VIT: variants seen among roughly 807,000 people sequenced by gnomAD.
The protein encoded by VIT is vitrin.
In VIT, 99 loss-of-function variants were observed where a neutral mutation model predicts 78.0. That is an observed-to-expected ratio of 1.27 (90% CI 1.08 to 1.50). The LOEUF (loss-of-function observed/expected upper bound fraction) is 1.50, where lower values mean the gene tolerates loss of function less well. Among genes scored for constraint, VIT ranks in the 40% most tolerant of loss-of-function variants. The pLI, the probability that VIT is intolerant of heterozygous loss-of-function variation, is 0.00. For missense variants in VIT, 1,126 were observed against 875.3 expected (o/e 1.29, Z -3.61); for synonymous variants, 374 against 334.3 (o/e 1.12, Z -1.29).
chr2:36,772,404 C>CA (rs1476722061), intron 7 of VIT, among the ~76,000 whole-genome samples: 3 of 151,960 alleles, frequency 2.0e-5, no homozygotes, highest in Non-Finnish European at 4.4e-5. Flanking sequence ...GGCATGGTGG[C>CA]ACATGCTTGT....
chr2:36,729,191 T>C (rs1256491346), intron 2 of VIT, among the ~76,000 whole-genome samples: 1 of 152,188 alleles, frequency 6.6e-6, no homozygotes, highest in Non-Finnish European at 1.5e-5. Flanking sequence ...AGGTTTGTAG[T>C]AGACCATCTA....
chr2:36,785,132 T>G (rs906192669), intron 11 of VIT, among the ~76,000 whole-genome samples: 1 of 152,212 alleles, frequency 6.6e-6, no homozygotes, highest in African/African-American at 2.4e-5. Context: ...TGGCCCTTAC[T>G]CTAATTAACA....
chr2:36,719,457 A>G (rs1428439456), intron 2 of VIT, among the ~76,000 whole-genome samples: 1 of 152,238 alleles, frequency 6.6e-6, no homozygotes, highest in East Asian at 1.9e-4. Flanking sequence ...AAAACCTGTT[A>G]GAACTAACAA....
At chr2:36,736,054 T>G (rs527455515) in intron 3 of VIT, among the ~76,000 whole-genome samples, 55 of 152,174 alleles carry the variant, frequency 3.6e-4, no homozygotes, top group Non-Finnish European at 7.4e-4. Context: ...TATCACTTTA[T>G]TTTTAGAGGT....
At chr2:36,795,381 T>C (rs12986582) in intron 12 of VIT, among the ~76,000 whole-genome samples, 3 of 50,578 alleles carry the variant, frequency 5.9e-5, no homozygotes, top group Non-Finnish European at 1.3e-4. Flanking sequence ...TTTATTTTAT[T>C]TTATATTTTA....
intron 3 of VIT, among the ~76,000 whole-genome samples, chr2:36,730,407 C>T: frequency 6.6e-6 from 1 of 152,200 alleles, no homozygotes; most frequent in East Asian, 1.9e-4. Flanking sequence ...TCTCCAGGGA[C>T]CCAGACTTCT....
intron 4 of VIT, among the ~76,000 whole-genome samples, chr2:36,753,081 T>C (rs1214376932): frequency 1.3e-5 from 2 of 152,152 alleles, no homozygotes; most frequent in Non-Finnish European, 2.9e-5. Flanking sequence ...TTGGAAACCA[T>C]TATCCTCAGC....
chr2:36,724,998 C>A (rs931993349), intron 2 of VIT, among the ~76,000 whole-genome samples: 2 of 152,156 alleles, frequency 1.3e-5, no homozygotes, highest in African/African-American at 4.8e-5. Flanking sequence ...AAAACATGGT[C>A]TTTGCACAGT....
intron 6 of VIT, among the ~76,000 whole-genome samples, chr2:36,762,164 C>T (rs374384290): frequency 3.3e-5 from 5 of 152,172 alleles, no homozygotes; most frequent in African/African-American, 9.7e-5. Flanking sequence ...CCATTCACCC[C>T]CAGCAAGCAC....
chr2:36,756,930 T>G (rs1668801361), intron 5 of VIT, among the ~76,000 whole-genome samples: 1 of 152,204 alleles, frequency 6.6e-6, no homozygotes, highest in Non-Finnish European at 1.5e-5. Context: ...TTTTGGGCTT[T>G]TTAAGTGAAA....
chr2:36,708,110 T>TCCCCC (rs141908586), intron 1 of VIT, among the ~76,000 whole-genome samples: 165 of 137,712 alleles, frequency 1.2e-3, no homozygotes, highest in Non-Finnish European at 1.9e-3. Context: ...GTAAAGGACC[T>TCCCCC]CCCCCCCCCG....
At chr2:36,773,946 A>T in intron 8 of VIT, 99 bp downstream of exon 8, 2 of 1,290,210 alleles carry the variant, frequency 1.6e-6, no homozygotes, top group South Asian at 3.8e-5. Flanking sequence ...GATTTGGACA[A>T]GGACTATTAA....
rs763622419 is a variant in VIT, at chr2:36,808,703, G to C, written c.1621G>C (p.Glu541Gln). Residue 541 changes from glutamate (E) to glutamine (Q), a missense_variant, in exon 15 of 16, where the codon GAG becomes CAG. Glu to Gln is a conservative substitution (Grantham distance 29). Transcript: ENST00000379242. ...QFVTNLTKEFEISDTDTRIGA... is the reference protein window; with the variant it reads ...QFVTNLTKEFQISDTDTRIGA... Reference sequence around the variant, plus strand: ...TGTGACCAACCTCACCAAAGAGTTTGAGATTTCCGACACGGACACGCGCAT... The same window carrying C: ...TGTGACCAACCTCACCAAAGAGTTTCAGATTTCCGACACGGACACGCGCAT... 7 of 1,614,238 alleles carry C rather than the reference G, an allele frequency of 4.3e-6. No homozygotes were observed. The highest frequency in any genetic ancestry group is 5.9e-6 in the Non-Finnish European group (7 of 1,180,034).
chr2:36,767,332 T>A (rs1415142828), intron 7 of VIT, 47 bp downstream of exon 7: 2 of 1,438,194 alleles, frequency 1.4e-6, no homozygotes, highest in Non-Finnish European at 1.8e-6. Context: ...AAATGGGAAA[T>A]TGGGCTTTTA....
intron 3 of VIT, among the ~76,000 whole-genome samples, chr2:36,737,634 A>G (rs900924391): frequency 3.9e-5 from 6 of 152,230 alleles, no homozygotes; most frequent in Non-Finnish European, 7.3e-5. Flanking sequence ...GAAAGAGTAG[A>G]TGATTCCTGA....
intron 9 of VIT, among the ~76,000 whole-genome samples, chr2:36,776,424 C>G (rs948632911): frequency 7.2e-6 from 1 of 139,188 alleles, no homozygotes; most frequent in African/African-American, 2.5e-5. Context: ...CTCACTGAAG[C>G]CTTGGTTTTA....
chr2:36,723,987 G>C (rs977346645), intron 2 of VIT, among the ~76,000 whole-genome samples: 1 of 138,090 alleles, frequency 7.2e-6, no homozygotes, highest in Non-Finnish European at 1.6e-5. Flanking sequence ...GGAGGGGGGG[G>C]ATTATTTATG....
intron 12 of VIT, among the ~76,000 whole-genome samples, chr2:36,796,164 A>C (rs917938550): frequency 6.6e-6 from 1 of 152,222 alleles, no homozygotes; most frequent in African/African-American, 2.4e-5. Context: ...CTAAAAGCCA[A>C]AGAAATTTAT....
rs763044445 is a variant in VIT, at chr2:36,801,368, G to A, written c.1126G>A (p.Glu376Lys). Residue 376 changes from glutamate (E) to lysine (K), a missense_variant, in exon 13 of 16, where the codon GAG becomes AAG. By Grantham distance (56) the Glu-to-Lys change is moderately conservative. Transcript: ENST00000379242. ...TTCTCGAGATCTGAAGACAGCCATA[G>A]AGAAAATTACTCAGAGAGGAGGACT... is the stretch of plus-strand genomic sequence containing the variant. ...TNSRDLKTAI[E>K]KITQRGGLSN... 6.8e-6 allele frequency: 11 copies of A among 1,614,046 alleles called. No individual in the cohort carries two copies. Among genetic ancestry groups the A allele is most frequent in the African/African-American group, 1.3e-5 (1 of 75,040 alleles).
Sources: allele counts gnomAD v4.1 joint callset (sites outside exome capture counted in the v4.1 genomes callset), GRCh38; gene constraint gnomAD v4.1.1; transcripts MANE v1.5; gene names NCBI Gene and HGNC (gene_info 2026-07-23, HGNC 2026-07-21).